STARD9: variants seen among roughly 807,000 people sequenced by gnomAD.
The protein encoded by STARD9 is StAR related lipid transfer domain containing 9.
STARD9 carries 346 observed loss-of-function variants against 399.8 expected under a neutral mutation model. The ratio of observed to expected loss-of-function variants is 0.87; its 90% CI spans 0.79 to 0.95. STARD9 has a LOEUF of 0.95. Among genes scored for constraint, STARD9 ranks in the 40% least tolerant of loss-of-function variants. STARD9 has a pLI of 0.00. For synonymous variants in STARD9, 2,203 were observed against 2,143.5 expected (o/e 1.03, Z -0.77); for missense variants, 5,832 against 5,667.5 (o/e 1.03, Z -0.93).
At chr15:42,649,396 C>T (rs187488302) in intron 7 of STARD9, among the ~76,000 whole-genome samples, 161 of 152,222 alleles carry the variant, frequency 1.1e-3, no homozygotes, top group South Asian at 8.7e-3. Flanking sequence ...TATCTTCCTG[C>T]TCACTCATTC....
In STARD9 at chr15:42,693,524, A is replaced by G. The variant is rs2060767440; in HGVS notation, c.11946A>G (p.Pro3982=). The G allele has an allele frequency of 6.5e-7, 1 of 1,537,266 alleles. No homozygotes were observed. The highest frequency in any genetic ancestry group is 8.7e-7 in the Non-Finnish European group (1 of 1,146,906). ...GATCCTTCCTTGAGTTGCACTCCCC[A>G]CACAGCCCACAGCAGAGTCCAAAAC... ...NGRSFLELHS[P]HSPQQSPKLQ... The change falls in exon 23 of 33, where the codon CCA becomes CCG. Residue 3982 remains proline (P), a synonymous_variant. Coordinates refer to ENST00000290607, the MANE Select transcript of STARD9 (RefSeq NM_020759.3).
At chr15:42,625,920 T>C (rs2141874003) in intron 3 of STARD9, among the ~76,000 whole-genome samples, 1 of 152,088 alleles carries the variant, frequency 6.6e-6, no homozygotes, top group African/African-American at 2.4e-5. Flanking sequence ...ATTATTATTA[T>C]TTTATTTATT....
Position 42,692,260 on chromosome 15 carries a change from G to A in STARD9, c.10682G>A (p.Ser3561Asn). The A allele has an allele frequency of 6.5e-7, 1 of 1,537,020 alleles. No individual in the cohort carries two copies. Among genetic ancestry groups the A allele is most frequent in the Non-Finnish European group, 8.7e-7 (1 of 1,146,870 alleles). ...SNEAWEVFRG[S>N]SSIALGDPHI... is the part of the protein sequence containing the mutation. Reference sequence around the variant, plus strand: ...GAGGCCTGGGAAGTATTCCGAGGGAGTTCTTCAATTGCCTTAGGAGACCCC... The same window carrying A: ...GAGGCCTGGGAAGTATTCCGAGGGAATTCTTCAATTGCCTTAGGAGACCCC... Residue 3561 changes from serine (S) to asparagine (N), a missense_variant, in exon 23 of 33, where the codon AGT becomes AAT. By Grantham distance (46) the Ser-to-Asn change is conservative (BLOSUM62 1). Coordinates refer to ENST00000290607, the MANE Select transcript of STARD9 (RefSeq NM_020759.3).
chr15:42,658,388 C>T (rs1249312456), intron 9 of STARD9, among the ~76,000 whole-genome samples: 2 of 151,200 alleles, frequency 1.3e-5, no homozygotes, highest in East Asian at 3.9e-4. Flanking sequence ...GTTGCCCAGG[C>T]TGGTCTTAAA....
intron 3 of STARD9, among the ~76,000 whole-genome samples, chr15:42,608,545 A>G (rs2058783593): frequency 6.6e-6 from 1 of 152,222 alleles, no homozygotes; most frequent in South Asian, 2.1e-4. Flanking sequence ...GCCTGATTGC[A>G]GGAAAAGTTT....
intron 3 of STARD9, among the ~76,000 whole-genome samples, chr15:42,599,456 T>A (rs9652442): frequency 6.6e-6 from 1 of 152,192 alleles, no homozygotes; most frequent in Non-Finnish European, 1.5e-5. Flanking sequence ...CTCTTCCTAG[T>A]GTATATTAAT....
intron 9 of STARD9, among the ~76,000 whole-genome samples, chr15:42,660,597 A>C (rs1595724383): frequency 2.6e-5 from 4 of 151,714 alleles, no homozygotes; most frequent in Admixed American, 2.0e-4. Flanking sequence ...AAAAAAAAAA[A>C]CAAGAAACAA....
In STARD9 at chr15:42,688,366, G is replaced by A. The variant is rs200636004; in HGVS notation, c.6788G>A (p.Ser2263Asn). 2 of 1,536,852 alleles carry A rather than the reference G, an allele frequency of 1.3e-6. No homozygotes were observed. Among genetic ancestry groups the A allele is most frequent in the South Asian group, 2.4e-5 (2 of 83,502 alleles). Residue 2263 changes from serine (S) to asparagine (N), a missense_variant, in exon 23 of 33, where the codon AGT (serine) becomes AAT (asparagine). Physicochemically the swap from Ser to Asn is conservative, Grantham distance 46. Coordinates refer to ENST00000290607, the MANE Select transcript of STARD9 (RefSeq NM_020759.3). ...AGCCAAGTAGCTGAACACGTAAGTAGTTCCAACCAAGAAGAGCCAAAAGCT... is the reference window on the plus strand; with the variant it reads ...AGCCAAGTAGCTGAACACGTAAGTAATTCCAACCAAGAAGAGCCAAAAGCT... ...QESQVAEHVS[S>N]SNQEEPKAQG...
At chr15:42,703,348 TG>T (rs1334067840) in intron 26 of STARD9, among the ~76,000 whole-genome samples, 3 of 143,588 alleles carry the variant, frequency 2.1e-5, no homozygotes, top group Admixed American at 2.0e-4. Context: ...CTCGTACATT[TG>T]TTTTTTTTGT....
In STARD9 at chr15:42,693,383, C is replaced by A; in HGVS notation, c.11805C>A (p.Asp3935Glu). Residue 3935 changes from aspartate (D) to glutamate (E), a missense_variant, in exon 23 of 33, where the codon GAC (aspartate) becomes GAA (glutamate). By Grantham distance (45) the Asp-to-Glu change is conservative. Coordinates refer to ENST00000290607, the MANE Select transcript of STARD9 (RefSeq NM_020759.3). ...CTGTTGAAGGCCACCAGAAGCTTGA[C>A]TCCAGCCCAGACCCTGTTGATGCCC... ...THPVEGHQKL[D>E]SSPDPVDAPR... 1 of 1,537,182 alleles carries A rather than the reference C, an allele frequency of 6.5e-7. No homozygotes were observed. The highest frequency in any genetic ancestry group is 2.4e-5 in the East Asian group (1 of 40,916).
At chr15:42,671,424 A>G (rs2060200021) in intron 16 of STARD9, 1 of 152,136 alleles carries the variant, frequency 6.6e-6, no homozygotes. Context: ...GGGGCATGAG[A>G]GCCTTTATTT....
chr15:42,664,516 A>C (rs557107353), intron 13 of STARD9, among the ~76,000 whole-genome samples: 1 of 152,240 alleles, frequency 6.6e-6, no homozygotes, highest in African/African-American at 2.4e-5. Flanking sequence ...GGTGCCTGCC[A>C]CCATGTTAGG....
In STARD9 at chr15:42,691,743, C is replaced by T. The variant is rs773281500; in HGVS notation, c.10165C>T (p.Arg3389Cys). 44 of 1,537,108 alleles carry T rather than the reference C, an allele frequency of 2.9e-5. No individual in the cohort carries two copies. The highest frequency in any genetic ancestry group is 3.1e-5 in the Non-Finnish European group (36 of 1,146,914). Residue 3389 changes from arginine to cysteine, a missense_variant, in exon 23 of 33, where the codon CGC (arginine) becomes TGC (cysteine). Arg to Cys is a radical substitution (Grantham distance 180). Around this residue, in one of 2 missense-constraint regions of STARD9, gnomAD observed 5,828 missense variants for 5,651.1 expected, o/e 1.03. Transcript: ENST00000290607. ...GGACAGCAATCAGAAAGCCTCATCT[C>T]GCTTGGATGATGGGACTACCGATCA... ...AEDSNQKASS[R>C]LDDGTTDHRH...
intron 7 of STARD9, among the ~76,000 whole-genome samples, chr15:42,643,396 A>G (rs557426292): frequency 6.6e-6 from 1 of 152,226 alleles, no homozygotes; most frequent in Admixed American, 6.5e-5. Flanking sequence ...GGGTTTCACC[A>G]TATTGGTCAG....
intron 20 of STARD9, among the ~76,000 whole-genome samples, chr15:42,680,169 A>G (rs2060396700): frequency 6.6e-6 from 1 of 152,234 alleles, no homozygotes; most frequent in Non-Finnish European, 1.5e-5. Flanking sequence ...ACCCTGCAGA[A>G]AAAGCATTTG....
chr15:42,685,408 T>TTGATC lies in STARD9; in HGVS notation c.3831_3835dup (p.Pro1279LeufsTer34). ...CTGCCAATGAGCAGTTCGTTTTACC[T>TTGATC]TGATCCTCAGTTCCAACCCCATTGT... On this transcript the variant is annotated frameshift_variant, in exon 23 of 33. Transcript: ENST00000290607. LOFTEE classifies it high-confidence loss of function. The TTGATC allele has an allele frequency of 6.5e-7, 1 of 1,535,410 alleles. No individual in the cohort carries two copies. The highest frequency in any genetic ancestry group is 8.7e-7 in the Non-Finnish European group (1 of 1,145,796).
Position 42,664,535 on chromosome 15 carries a change from C to CA in STARD9, c.1176+625dup, listed in dbSNP as rs553132117. On this transcript the variant is annotated intron_variant, in intron 13 of 32. Coordinates refer to ENST00000290607, the MANE Select transcript of STARD9 (RefSeq NM_020759.3). ...CCTGCCACCATGTTAGGCTGGTTTT[C>CA]AAAAAAATTTTTGTAGAAACAAGGT... 1.7e-3 allele frequency among the ~76,000 whole-genome samples: 256 copies of CA among 151,896 alleles called. 1 individual carries two copies. The Middle Eastern group carries it at 0.027, about 16-fold the overall frequency.
chr15:42,682,543 ACT>A lies in STARD9; in HGVS notation c.2508_2509del (p.Cys837GlnfsTer23), dbSNP rs141036034. On this transcript the variant is annotated frameshift_variant, in exon 22 of 33. Coordinates refer to ENST00000290607, the MANE Select transcript of STARD9 (RefSeq NM_020759.3). LOFTEE classifies it high-confidence loss of function. Reference sequence around the variant, plus strand: ...GTTGCAGTTCTTTGAGCCCCCAAAGACTCTGCAGCAAGCACATGCCCCAGCTA... The same window carrying A: ...GTTGCAGTTCTTTGAGCCCCCAAAGACTGCAGCAAGCACATGCCCCAGCTA... ...TSCSSLSPQR[L>X]CSKHMPQLHS... The A allele has an allele frequency of 2.6e-6, 4 of 1,536,478 alleles. No homozygotes were observed. Among genetic ancestry groups the A allele is most frequent in the African/African-American group, 2.7e-5 (2 of 72,988 alleles).
chr15:42,718,311 C>CCTGAG, intron 30 of STARD9, 124 bp from the exon 31 acceptor site: 6 of 1,224,170 alleles, frequency 4.9e-6, no homozygotes, highest in Non-Finnish European at 6.9e-6. Flanking sequence ...ACCTTGATTG[C>CCTGAG]TCAGCCTAGG....
Sources: allele counts gnomAD v4.1 joint callset (sites outside exome capture counted in the v4.1 genomes callset), GRCh38; gene constraint gnomAD v4.1.1; regional missense constraint gnomAD v4.1.1; transcripts MANE v1.5; gene names NCBI Gene and HGNC (gene_info 2026-07-23, HGNC 2026-07-21).